Variants in SMIM10L3 observed in about 807,000 individuals in gnomAD.
The protein encoded by SMIM10L3 is salivary gland specific protein SAGSIN1.
the SMIM10L3 span, among the ~76,000 whole-genome samples, chr7:6,345,789 GAC>G: frequency 3.3e-5 from 5 of 151,608 alleles, no homozygotes; most frequent in African/African-American, 1.2e-4. Flanking sequence ...ATTTTTTTGA[GAC>G]AGAGTCTCGC....
the SMIM10L3 span, among the ~76,000 whole-genome samples, chr7:6,345,214 C>T: frequency 1.3e-5 from 2 of 150,932 alleles, no homozygotes; most frequent in African/African-American, 4.9e-5. Flanking sequence ...GCCTCCTTGG[C>T]TCAAGCGATC....
At chr7:6,348,943 C>T in the SMIM10L3 span, 3 of 380,338 alleles carry the variant, frequency 7.9e-6, no homozygotes, top group African/African-American at 4.2e-5. Context: ...GAGCAGCCGC[C>T]TGTACCAGCC....
chr7:6,341,446 AAATAAT>A, the SMIM10L3 span, among the ~76,000 whole-genome samples: 91 of 140,792 alleles, frequency 6.5e-4, no homozygotes, highest in African/African-American at 9.3e-4. Flanking sequence ...TGTCTCAAAA[AAATAAT>A]AATAATAATT....
At chr7:6,348,895 G>A in the SMIM10L3 span, 25 of 387,714 alleles carry the variant, frequency 6.4e-5, no homozygotes, top group Non-Finnish European at 9.1e-5. Context: ...CCGCAGTGGA[G>A]CGGAGTCCGC....
the SMIM10L3 span, among the ~76,000 whole-genome samples, chr7:6,332,285 C>CA: frequency 6.6e-6 from 1 of 151,808 alleles, no homozygotes; most frequent in African/African-American, 2.4e-5. Context: ...AAGAGTAAGG[C>CA]AAAAAAGTTC....
chr7:6,346,598 C>T, the SMIM10L3 span, among the ~76,000 whole-genome samples: 1 of 152,156 alleles, frequency 6.6e-6, no homozygotes, highest in Non-Finnish European at 1.5e-5. Flanking sequence ...CCAGGGTGGT[C>T]TCAAACTCCT....
At chr7:6,336,224 T>G in the SMIM10L3 span, among the ~76,000 whole-genome samples, 5 of 151,340 alleles carry the variant, frequency 3.3e-5, no homozygotes, top group African/African-American at 1.2e-4. Flanking sequence ...TGCACACCTG[T>G]AGTCCCAGTC....
At chr7:6,336,050 G>C in the SMIM10L3 span, among the ~76,000 whole-genome samples, 1 of 151,868 alleles carries the variant, frequency 6.6e-6, no homozygotes, top group South Asian at 2.1e-4. Flanking sequence ...GTGCACACCT[G>C]TGGTCTCAGC....
At chr7:6,330,730 C>T in the SMIM10L3 span, 1 of 1,614,168 alleles carries the variant, frequency 6.2e-7, no homozygotes, top group East Asian at 2.2e-5. Context: ...GCACTGTCCT[C>T]TGTGGCCGTC....
chr7:6,340,179 C>T, the SMIM10L3 span, among the ~76,000 whole-genome samples: 3 of 152,168 alleles, frequency 2.0e-5, no homozygotes, highest in Admixed American at 2.0e-4. Context: ...GCTACCGCGC[C>T]CGGCCCCTCC....
At chr7:6,337,341 C>G in the SMIM10L3 span, among the ~76,000 whole-genome samples, 140 of 151,838 alleles carry the variant, frequency 9.2e-4, 2 homozygotes, top group Middle Eastern at 6.8e-3. Context: ...AGGCTGGTCT[C>G]TAACTCCTGA....
At chr7:6,345,972 T>C in the SMIM10L3 span, among the ~76,000 whole-genome samples, 1 of 152,068 alleles carries the variant, frequency 6.6e-6, no homozygotes, top group Admixed American at 6.6e-5. Context: ...TTTTGCCATA[T>C]TGTCCAGGCT....
the SMIM10L3 span, among the ~76,000 whole-genome samples, chr7:6,345,149 ACT>A: frequency 5.1e-4 from 78 of 151,812 alleles, no homozygotes; most frequent in African/African-American, 1.8e-3. Context: ...ACAGAGTCTC[ACT>A]CTGTTGCCCA....
the SMIM10L3 span, among the ~76,000 whole-genome samples, chr7:6,345,718 T>C: frequency 6.6e-6 from 1 of 152,094 alleles, no homozygotes; most frequent in African/African-American, 2.4e-5. Flanking sequence ...AGACACTTTT[T>C]GTTTTGCCCT....
the SMIM10L3 span, among the ~76,000 whole-genome samples, chr7:6,337,143 C>T: frequency 2.0e-5 from 3 of 151,910 alleles, no homozygotes; most frequent in East Asian, 5.8e-4. Flanking sequence ...GCAATCTCAG[C>T]TCACTGCAGC....
At chr7:6,340,350 G>A in the SMIM10L3 span, among the ~76,000 whole-genome samples, 1 of 152,124 alleles carries the variant, frequency 6.6e-6, no homozygotes, top group Non-Finnish European at 1.5e-5. Context: ...AGGACAAAAC[G>A]CTGCTGAGAG....
the SMIM10L3 span, among the ~76,000 whole-genome samples, chr7:6,345,306 G>GGTC: frequency 6.6e-6 from 1 of 150,954 alleles, no homozygotes; most frequent in Non-Finnish European, 1.5e-5. Flanking sequence ...TACAGACTGG[G>GGTC]GTCTTGCTGT....
the SMIM10L3 span, chr7:6,331,324 C>A: frequency 3.0e-6 from 2 of 670,540 alleles, no homozygotes; most frequent in Non-Finnish European, 5.1e-6. Flanking sequence ...CTAACAAACA[C>A]TGAGATCTTT....
At chr7:6,337,988 G>A in the SMIM10L3 span, among the ~76,000 whole-genome samples, 1 of 150,980 alleles carries the variant, frequency 6.6e-6, no homozygotes, top group Non-Finnish European at 1.5e-5. Flanking sequence ...ATTTTCAGTA[G>A]AGACATGGTT....
Sources: allele counts gnomAD v4.1 joint callset (sites outside exome capture counted in the v4.1 genomes callset), GRCh38; gene constraint gnomAD v4.1.1; transcripts MANE v1.5; gene names NCBI Gene and HGNC (gene_info 2026-07-23, HGNC 2026-07-21).